The following DLC1 variants were observed in gnomAD, a reference collection of about 807,000 sequenced individuals.
DLC1 encodes the protein DLC1 Rho GTPase activating protein.
A neutral mutation model predicts 140.3 loss-of-function variants in DLC1; 54 were observed. The ratio of observed to expected loss-of-function variants is 0.38; its 90% CI spans 0.31 to 0.48. DLC1 has a LOEUF of 0.48. Ranked by LOEUF, DLC1 falls within the 20% of genes least tolerant of loss-of-function variation. The pLI, the probability that DLC1 is intolerant of heterozygous loss-of-function variation, is 0.96. For missense variants in DLC1, 2,536 were observed against 1,907.0 expected (o/e 1.33, Z -6.14); for synonymous variants, 986 against 728.1 (o/e 1.35, Z -5.70).
chr8:13,234,403 C>G (rs778736476), intron 5 of DLC1, among the ~76,000 whole-genome samples: 1 of 152,120 alleles, frequency 6.6e-6, no homozygotes. Flanking sequence ...AGGTCTATTT[C>G]AAGCCTATTT....
intron 1 of DLC1, among the ~76,000 whole-genome samples, chr8:13,572,314 C>T (rs1804688497): frequency 6.6e-6 from 1 of 152,084 alleles, no homozygotes; most frequent in South Asian, 2.1e-4. Context: ...TGGTCTCGAT[C>T]TCCTGACCTT....
intron 2 of DLC1, among the ~76,000 whole-genome samples, chr8:13,472,735 C>G (rs567857006): frequency 1.5e-4 from 23 of 152,310 alleles, no homozygotes; most frequent in Admixed American, 1.4e-3. Flanking sequence ...ATTCCCCATT[C>G]AGAAGAAATG....
intron 1 of DLC1, among the ~76,000 whole-genome samples, chr8:13,500,721 C>T (rs1801774458): frequency 6.6e-6 from 1 of 152,130 alleles, no homozygotes; most frequent in African/African-American, 2.4e-5. Context: ...CCCAAACGAC[C>T]AGTATGTAGT....
At chr8:13,491,899 C>A (rs1015260538) in intron 2 of DLC1, among the ~76,000 whole-genome samples, 6 of 152,172 alleles carry the variant, frequency 3.9e-5, no homozygotes, top group African/African-American at 1.4e-4. Context: ...GACATGCATT[C>A]GTTCTAGCAT....
Position 13,132,147 on chromosome 8 carries a change from C to A in DLC1, c.1349-16490G>T, listed in dbSNP as rs538831352. Among the ~76,000 whole-genome samples, 250 of 151,942 alleles carry A rather than the reference C, an allele frequency of 1.6e-3. 1 individual carries two copies. Among genetic ancestry groups the A allele is most frequent in the African/African-American group, 5.6e-3 (230 of 41,390 alleles). Reference sequence around the variant, plus strand: ...GTCCGGGTCAAGGGGGTGGGCATCCCCAAGGGGGCATTTCAGGGACACGAT... The same window carrying A: ...GTCCGGGTCAAGGGGGTGGGCATCCACAAGGGGGCATTTCAGGGACACGAT... On this transcript the variant is annotated intron_variant, in intron 5 of 17. Transcript: ENST00000276297.
intron 2 of DLC1, among the ~76,000 whole-genome samples, chr8:13,411,845 T>C (rs80060189): frequency 0.028 from 4,238 of 152,328 alleles, 94 homozygotes; most frequent in South Asian, 0.049. Flanking sequence ...ATTTTGCTCA[T>C]TTATCCCTCT....
chr8:13,596,777 T>A (rs542892577), intron 1 of DLC1, among the ~76,000 whole-genome samples: 3 of 152,126 alleles, frequency 2.0e-5, no homozygotes, highest in South Asian at 2.1e-4. Flanking sequence ...CAAATCTGGG[T>A]TGAGCTAAGA....
At chr8:13,529,046 A>C (rs1803010181) in intron 1 of DLC1, among the ~76,000 whole-genome samples, 1 of 152,228 alleles carries the variant, frequency 6.6e-6, no homozygotes, top group East Asian at 1.9e-4. Flanking sequence ...AACAACAGTG[A>C]CATTTATTAC....
chr8:13,551,793 ATATC>A (rs1803862477), intron 1 of DLC1, among the ~76,000 whole-genome samples: 1 of 150,162 alleles, frequency 6.7e-6, no homozygotes, highest in East Asian at 2.0e-4. Context: ...ATATGTATCT[ATATC>A]TAGGTATATA....
intron 7 of DLC1, among the ~76,000 whole-genome samples, chr8:13,108,104 T>C (rs371513898): frequency 6.6e-5 from 10 of 152,228 alleles, no homozygotes; most frequent in African/African-American, 2.2e-4. Flanking sequence ...AGAGGTCCCT[T>C]TTCTTCTGAA....
intron 4 of DLC1, among the ~76,000 whole-genome samples, chr8:13,313,499 A>G (rs1233227475): frequency 1.3e-5 from 2 of 152,170 alleles, no homozygotes; most frequent in African/African-American, 2.4e-5. Flanking sequence ...TAGATATAGT[A>G]TCTACATCCT....
chr8:13,393,228 T>C (rs1414452610), intron 4 of DLC1, among the ~76,000 whole-genome samples: 1 of 152,116 alleles, frequency 6.6e-6, no homozygotes, highest in African/African-American at 2.4e-5. Context: ...TAAGCAATAC[T>C]GTCAAGATAA....
intron 2 of DLC1, among the ~76,000 whole-genome samples, chr8:13,440,422 A>G (rs1798455335): frequency 6.6e-6 from 1 of 152,160 alleles, no homozygotes; most frequent in African/African-American, 2.4e-5. Context: ...AAAATCTCAA[A>G]TTTCCTGTCC....
intron 5 of DLC1, among the ~76,000 whole-genome samples, chr8:13,290,803 A>C (rs1227304056): frequency 6.6e-6 from 1 of 152,182 alleles, no homozygotes; most frequent in African/African-American, 2.4e-5. Flanking sequence ...CTGAGGAGGA[A>C]AGTGCGGGTT....
intron 8 of DLC1, among the ~76,000 whole-genome samples, chr8:13,101,842 G>A (rs1000557561): frequency 6.6e-6 from 1 of 152,168 alleles, no homozygotes; most frequent in Non-Finnish European, 1.5e-5. Flanking sequence ...TCAGGGATAA[G>A]CTGTCACACG....
chr8:13,376,294 C>CG (rs1835981915), intron 4 of DLC1, among the ~76,000 whole-genome samples: 1 of 152,098 alleles, frequency 6.6e-6, no homozygotes, highest in Non-Finnish European at 1.5e-5. Context: ...GGAAAAACAG[C>CG]GGGGTGCTGC....
chr8:13,453,300 T>C (rs1396928171), intron 2 of DLC1, among the ~76,000 whole-genome samples: 1 of 144,972 alleles, frequency 6.9e-6, no homozygotes, highest in East Asian at 2.0e-4. Flanking sequence ...AAGTCATTTA[T>C]AGATATTCCT....
chr8:13,312,386 A>ATAAAAAAT (rs746830060), intron 4 of DLC1, among the ~76,000 whole-genome samples: 1 of 81,680 alleles, frequency 1.2e-5, no homozygotes, highest in Admixed American at 1.5e-4. Context: ...AAAAAAAAAA[A>ATAAAAAAT]AATAATTTCT....
intron 5 of DLC1, among the ~76,000 whole-genome samples, chr8:13,186,192 C>T (rs1051979625): frequency 1.3e-4 from 20 of 152,220 alleles, no homozygotes; most frequent in African/African-American, 4.8e-4. Flanking sequence ...TGAATGTTGG[C>T]CTGCCTTGCT....
Sources: gnomAD v4.1 joint callset for allele counts (sites outside exome capture counted in the v4.1 genomes callset) on GRCh38, gnomAD v4.1.1 for gene constraint, MANE v1.5 for transcripts, NCBI Gene and HGNC (gene_info 2026-07-23, HGNC 2026-07-21) for gene names.